Variants in WNK1 observed in about 807,000 individuals in gnomAD.
WNK1 encodes serine/threonine-protein kinase WNK1.
In WNK1, 38 loss-of-function variants were observed where a neutral mutation model predicts 222.8. The ratio of observed to expected loss-of-function variants is 0.17; its 90% confidence interval spans 0.13 to 0.22. WNK1 has a LOEUF of 0.22. Among genes scored for constraint, WNK1 ranks in the 10% least tolerant of loss-of-function variants. The pLI is 1.00. For missense variants in WNK1, 2,348 were observed against 2,918.4 expected, an observed-to-expected ratio of 0.80 and a Z score of 4.50; for synonymous variants, 1,090 against 1,092.9, an observed-to-expected ratio of 1.00 and a Z score of 0.05.
chr12:853,696 A>G (rs1308923967), intron 4 of WNK1, among the ~76,000 whole-genome samples: 1 of 152,254 alleles, frequency 6.6e-6, no homozygotes, highest in South Asian at 2.1e-4. Context: ...ATTAATACAT[A>G]GTTTTATTGC....
chr12:810,542 T>G lies in WNK1; in HGVS notation c.760-3100T>G, dbSNP rs2154006458. On this transcript the variant is annotated intron_variant, in intron 1 of 27. Transcript: ENST00000315939. Reference sequence around the variant, plus strand: ...TGTAAAGTAAAAATTTCAAGTTTAATGAATGAAAACTAGTCTCACTGCTCC... The same window carrying G: ...TGTAAAGTAAAAATTTCAAGTTTAAGGAATGAAAACTAGTCTCACTGCTCC... Among the ~76,000 whole-genome samples the G allele has an allele frequency of 2.0e-5, 3 of 152,334 alleles. No homozygotes were observed. The Middle Eastern group carries it at 0.01, about 518-fold the overall frequency.
At chr12:800,442 A>G (rs975837458) in intron 1 of WNK1, among the ~76,000 whole-genome samples, 1 of 152,072 alleles carries the variant, frequency 6.6e-6, no homozygotes, top group African/African-American at 2.4e-5. Context: ...TTTTATTTTA[A>G]TTGCCTGCTA....
In WNK1 at chr12:910,441, T is replaced by TAATA. The variant is rs1956002260; in HGVS notation, c.*1650_*1653dup. ...TAATATGTTCACATTTTCAAATAAA[T>TAATA]AATACTCCCCGTAAGTAATAACTGC... On this transcript the variant is annotated 3_prime_UTR_variant, in exon 28 of 28. Coordinates refer to ENST00000315939, the MANE Select transcript of WNK1 (RefSeq NM_018979.4). 1.3e-5 allele frequency: 2 copies of TAATA among 152,176 alleles called. No homozygotes were observed. The highest frequency in any genetic ancestry group is 2.4e-5 in the African/African-American group (1 of 41,446). 9.4% of individuals were successfully genotyped at this position (152,176 alleles called of 1,614,324 possible).
At chr12:754,359 G>A (rs1939641163) in intron 1 of WNK1, 35 bp downstream of exon 1, 5 of 1,612,778 alleles carry the variant, frequency 3.1e-6, no homozygotes, top group Non-Finnish European at 4.2e-6. Flanking sequence ...ACGGTCCTTT[G>A]GATCCCAAAT....
chr12:846,117 G>A (rs1950007210), intron 4 of WNK1, among the ~76,000 whole-genome samples: 1 of 152,092 alleles, frequency 6.6e-6, no homozygotes, highest in Admixed American at 6.5e-5. Context: ...TTTTTAACCT[G>A]TTTTCTAGAC....
At chr12:879,529 T>C in intron 10 of WNK1, 44 bp from the exon 11 acceptor site, 6 of 1,097,116 alleles carry the variant, frequency 5.5e-6, no homozygotes, top group South Asian at 2.9e-5. Flanking sequence ...TTTTTTTTTT[T>C]TTTTTTTTAA....
At chr12:854,714 C>A (rs1424593374) in intron 4 of WNK1, among the ~76,000 whole-genome samples, 1 of 152,040 alleles carries the variant, frequency 6.6e-6, no homozygotes, top group Non-Finnish European at 1.5e-5. Context: ...AAACTAAAAC[C>A]AAATGTAAAC....
rs1239960064 is a variant in WNK1, at chr12:869,029, T to G, written c.2140-2236T>G. 1.2e-5 allele frequency: 19 copies of G among 1,612,176 alleles called. No homozygotes were observed. The highest frequency in any genetic ancestry group is 1.7e-5 in the Admixed American group (1 of 59,496). ...TACAAGAATCCCCACTTTTCTTCTGTTTCCCCCAAGGAACCACATCTCAGC... is the reference window on the plus strand; with the variant it reads ...TACAAGAATCCCCACTTTTCTTCTGGTTCCCCCAAGGAACCACATCTCAGC... On this transcript the variant is annotated intron_variant, in intron 8 of 27. Transcript: ENST00000315939.
chr12:888,848 A>G (rs1565590593), intron 20 of WNK1, among the ~76,000 whole-genome samples: 1 of 152,144 alleles, frequency 6.6e-6, no homozygotes, highest in Non-Finnish European at 1.5e-5. Context: ...CAAATAAATA[A>G]CTCTTTCTAC....
Position 861,368 on chromosome 12 carries a change from A to G in WNK1, c.1951+25A>G, listed in dbSNP as rs1951204903. On this transcript the variant is annotated intron_variant, in intron 7 of 27. Transcript: ENST00000315939. Reference sequence around the variant, plus strand: ...TGTACGTATCTTGGGAAGTGGACAGATAGGCTAATGATTCTCCTAATTGGT... The same window carrying G: ...TGTACGTATCTTGGGAAGTGGACAGGTAGGCTAATGATTCTCCTAATTGGT... The G allele has an allele frequency of 2.5e-6, 4 of 1,610,262 alleles. No homozygotes were observed. In the South Asian group the frequency reaches 3.3e-5, roughly 13 times the overall value.
intron 22 of WNK1, among the ~76,000 whole-genome samples, chr12:893,757 A>G (rs898496944): frequency 1.3e-5 from 2 of 151,200 alleles, no homozygotes; most frequent in African/African-American, 4.9e-5. Flanking sequence ...TGGGAGGTGT[A>G]GCTTGCAGTG....
intron 10 of WNK1, 111 bp from the exon 11 acceptor site, chr12:879,460 TTG>T: frequency 7.0e-6 from 5 of 717,284 alleles, no homozygotes; most frequent in South Asian, 1.8e-5. Context: ...TTTTTTTTGT[TTG>T]TTTTTTCCTT....
At chr12:800,112 C>T (rs941723850) in intron 1 of WNK1, among the ~76,000 whole-genome samples, 1 of 152,006 alleles carries the variant, frequency 6.6e-6, no homozygotes, top group Non-Finnish European at 1.5e-5. Flanking sequence ...CTACTGCACT[C>T]CAGTCTGGGC....
rs1471227365 is a variant in WNK1, at chr12:911,406, A to ACTT, written c.*2615_*2617dup. 1.3e-5 allele frequency: 5 copies of ACTT among 396,424 alleles called. No homozygotes were observed. Among genetic ancestry groups the ACTT allele is most frequent in the Non-Finnish European group, 4.4e-6 (1 of 224,848 alleles). 24.6% of individuals were successfully genotyped at this position (396,424 alleles called of 1,614,324 possible). Reference sequence around the variant, plus strand: ...GTGCTTCAGTTTGTTACCTTTGTAGACTTATTTAATGAAACCATTCAAATA... The same window carrying ACTT: ...GTGCTTCAGTTTGTTACCTTTGTAGACTTCTTATTTAATGAAACCATTCAAATA... On this transcript the variant is annotated 3_prime_UTR_variant, in exon 28 of 28. Transcript: ENST00000315939.
At position 908,465 on chromosome 12, in the gene WNK1, T is replaced by C; in HGVS notation, c.6832-10T>C. The C allele has an allele frequency of 6.2e-7, 1 of 1,614,196 alleles. No homozygotes were observed. Among genetic ancestry groups the C allele is most frequent in the Non-Finnish European group, 8.5e-7 (1 of 1,180,030 alleles). ...ACACCAGACTTGACACGTGGTGGTT[T>C]TGTTTTCAGGGCCCTGGAATGGCAA... is the stretch of plus-strand genomic sequence containing the variant. On this transcript the variant is annotated splice_polypyrimidine_tract_variant and intron_variant, in intron 27 of 27. Transcript: ENST00000315939.
At chr12:776,228 T>C (rs1943068279) in intron 1 of WNK1, among the ~76,000 whole-genome samples, 1 of 151,300 alleles carries the variant, frequency 6.6e-6, no homozygotes, top group East Asian at 1.9e-4. Context: ...AGAGATGGGG[T>C]CAAGCTATGT....
At chr12:867,001 TAGTCCCAGCTACTTGGG>T (rs1238743682) in intron 8 of WNK1, among the ~76,000 whole-genome samples, 1 of 152,114 alleles carries the variant, frequency 6.6e-6, no homozygotes, top group African/African-American at 2.4e-5. Flanking sequence ...CGCACGCGTG[TAGTCCCAGCTACTTGGG>T]AGGCTGAGGC....
At chr12:812,884 A>G (rs1947032163) in intron 1 of WNK1, among the ~76,000 whole-genome samples, 1 of 152,138 alleles carries the variant, frequency 6.6e-6, no homozygotes, top group African/African-American at 2.4e-5. Flanking sequence ...GTGTTTAGAG[A>G]GATACTGAGA....
rs757732497 is a variant in WNK1, at chr12:861,182, G to T, written c.1790G>T (p.Ser597Ile). ...SSLKQQVEQSSASQTGIKQLP... is the reference protein window; with the variant it reads ...SSLKQQVEQSIASQTGIKQLP... ...CTCAAACAGCAGGTAGAACAATCCA[G>T]TGCTTCCCAGACAGGAATCAAGCAG... Residue 597 changes from serine (S) to isoleucine (I), a missense_variant, in exon 7 of 28, where the codon AGT (serine) becomes ATT (isoleucine). Ser to Ile is a moderately radical substitution (Grantham distance 142, BLOSUM62 -2). Transcript: ENST00000315939. 4 of 1,613,910 alleles carry T rather than the reference G, an allele frequency of 2.5e-6. No homozygotes were observed. The highest frequency in any genetic ancestry group is 3.4e-6 in the Non-Finnish European group (4 of 1,179,954).
Sources: allele counts gnomAD v4.1 joint callset (sites outside exome capture counted in the v4.1 genomes callset), GRCh38; gene constraint gnomAD v4.1.1; transcripts MANE v1.5; gene names NCBI Gene and HGNC (gene_info 2026-07-23, HGNC 2026-07-21).